Variants in PDE4D observed in about 807,000 individuals in gnomAD.
PDE4D encodes the protein 3',5'-cyclic-AMP phosphodiesterase 4D.
PDE4D carries 24 observed loss-of-function variants against 87.4 expected under a neutral mutation model. The observed-to-expected ratio is 0.27, with a 90% CI of 0.20 to 0.39. The LOEUF (loss-of-function observed/expected upper bound fraction) is 0.39, where lower values mean the gene tolerates loss of function less well. Among genes scored for constraint, PDE4D ranks in the 10% least tolerant of loss-of-function variants. The probability of loss-of-function intolerance (pLI) is 1.00; values close to 1 mark genes in which losing one functional copy is unlikely to be tolerated. For synonymous variants in PDE4D, 384 were observed against 383.2 expected (o/e 1.00, Z -0.02); for missense variants, 714 against 1,041.0 (o/e 0.69, Z 4.32).
In PDE4D at chr5:58,973,803, A is replaced by AG. The variant is rs1281860309; in HGVS notation, c.*860dup. ...AAGTAAATAATAAAGACTTACAAAAAGGGTTTCCTGCAACATAAAGTTGTT... is the reference window on the plus strand; with the variant it reads ...AAGTAAATAATAAAGACTTACAAAAAGGGGTTTCCTGCAACATAAAGTTGTT... On this transcript the variant is annotated 3_prime_UTR_variant, in exon 15 of 15. Coordinates refer to ENST00000340635, the MANE Select transcript of PDE4D (RefSeq NM_001104631.2). 1 of 152,600 alleles carries AG rather than the reference A, an allele frequency of 6.6e-6. No homozygotes were observed. Among genetic ancestry groups the AG allele is most frequent in the African/African-American group, 2.4e-5 (1 of 41,440 alleles). The allele number at this position is 152,600 out of a possible 1,614,324, so 9.5% of individuals were successfully genotyped here. A position where few individuals can be genotyped will look rare whatever the true frequency, so the allele number is the denominator to read the frequency against.
At chr5:59,910,459 C>T (rs1753321585) in intron 3 of PDE4D, among the ~76,000 whole-genome samples, 1 of 152,100 alleles carries the variant, frequency 6.6e-6, no homozygotes, top group African/African-American at 2.4e-5. Context: ...GTTCACATAC[C>T]AAAGAGCTAT....
chr5:59,643,453 T>C (rs1741939605), intron 1 of PDE4D, among the ~76,000 whole-genome samples: 1 of 152,166 alleles, frequency 6.6e-6, no homozygotes. Flanking sequence ...CGAGGAAACT[T>C]TTGGGGGTGA....
Position 60,105,503 on chromosome 5 carries a change from C to A in PDE4D, c.42+80054G>T, listed in dbSNP as rs112758099. ...CAGGCCAACATTCAGATACAGGAAA[C>A]ACAGAGAACGCCACAAAGATACTCC... On this transcript the variant is annotated intron_variant, in intron 2 of 16. Coordinates refer to the PDE4D transcript ENST00000502484. 7.8e-3 allele frequency among the ~76,000 whole-genome samples: 1,180 copies of A among 152,072 alleles called. 12 individuals carry two copies. The highest frequency in any genetic ancestry group is 0.027 in the African/African-American group (1,119 of 41,438).
intron 5 of PDE4D, among the ~76,000 whole-genome samples, chr5:59,161,629 A>G (rs977976570): frequency 2.0e-5 from 3 of 152,106 alleles, no homozygotes; most frequent in African/African-American, 7.2e-5. Flanking sequence ...TGCGGCCTAA[A>G]TCAGTCTTTC....
At chr5:59,766,188 G>C (rs754614822) in intron 1 of PDE4D, among the ~76,000 whole-genome samples, 5 of 152,144 alleles carry the variant, frequency 3.3e-5, no homozygotes, top group Non-Finnish European at 7.3e-5. Context: ...ACGTCTTGGG[G>C]CTCATTCAAC....
intron 1 of PDE4D, among the ~76,000 whole-genome samples, chr5:59,468,549 T>C (rs976371973): frequency 2.6e-5 from 4 of 152,148 alleles, no homozygotes; most frequent in African/African-American, 9.7e-5. Flanking sequence ...TAATGGCCCA[T>C]GGCAAATAAA....
intron 1 of PDE4D, among the ~76,000 whole-genome samples, chr5:59,470,053 T>C (rs112022233): frequency 6.6e-6 from 1 of 152,114 alleles, no homozygotes; most frequent in East Asian, 1.9e-4. Flanking sequence ...TTTCCATTTT[T>C]AATAAGCACC....
chr5:59,709,618 T>A (rs996008503), intron 1 of PDE4D, among the ~76,000 whole-genome samples: 2 of 152,202 alleles, frequency 1.3e-5, no homozygotes, highest in African/African-American at 4.8e-5. Flanking sequence ...AACAGAAACG[T>A]TAGTCCAGAG....
intron 1 of PDE4D, among the ~76,000 whole-genome samples, chr5:59,539,925 T>A (rs1816007756): frequency 6.6e-6 from 1 of 152,096 alleles, no homozygotes; most frequent in Non-Finnish European, 1.5e-5. Context: ...ACAGAACTAG[T>A]TTAGTTAGTG....
chr5:60,113,289 G>T (rs1278738773), intron 2 of PDE4D, among the ~76,000 whole-genome samples: 1 of 151,924 alleles, frequency 6.6e-6, no homozygotes, highest in African/African-American at 2.4e-5. Context: ...TAACTTTTTT[G>T]AACATAATAA....
At chr5:59,790,099 G>A (rs1166977196) in intron 1 of PDE4D, among the ~76,000 whole-genome samples, 5 of 152,166 alleles carry the variant, frequency 3.3e-5, no homozygotes, top group Admixed American at 2.0e-4. Flanking sequence ...AGCTACTGGA[G>A]TACCTCTATC....
chr5:60,182,507 C>T (rs1289382388), intron 2 of PDE4D, among the ~76,000 whole-genome samples: 1 of 152,160 alleles, frequency 6.6e-6, no homozygotes, highest in Non-Finnish European at 1.5e-5. Flanking sequence ...TGGCGCATGC[C>T]TCTAATCCCA....
intron 1 of PDE4D, among the ~76,000 whole-genome samples, chr5:59,691,575 TGGGGGGA>T (rs1386663292): frequency 2.8e-4 from 6 of 21,530 alleles, no homozygotes; most frequent in African/African-American, 1.2e-3. Context: ...TGTCATGGAG[TGGGGGGA>T]GGGGGGAGGG....
chr5:60,201,864 A>G (rs1583056281), intron 1 of PDE4D, among the ~76,000 whole-genome samples: 2 of 152,242 alleles, frequency 1.3e-5, no homozygotes, highest in Admixed American at 6.5e-5. Flanking sequence ...AGATACAACT[A>G]TACATAAGAA....
In PDE4D at chr5:60,058,980, C is replaced by T. The variant is rs371078467; in HGVS notation, c.43-70263G>A. Among the ~76,000 whole-genome samples, 16 of 151,220 alleles carry T rather than the reference C, an allele frequency of 1.1e-4. No individual in the cohort carries two copies. In the East Asian group the frequency reaches 1.6e-3, roughly 15 times the overall value. ...TCCATACCATTCTTTCTAGCTTCTTCAGGAAACTAGAAACATCAATGAAAT... is the reference window on the plus strand; with the variant it reads ...TCCATACCATTCTTTCTAGCTTCTTTAGGAAACTAGAAACATCAATGAAAT... On this transcript the variant is annotated intron_variant, in intron 2 of 16. Transcript: ENST00000502484.
At chr5:60,029,386 T>C (rs934447491) in intron 2 of PDE4D, among the ~76,000 whole-genome samples, 1 of 152,196 alleles carries the variant, frequency 6.6e-6, no homozygotes, top group African/African-American at 2.4e-5. Context: ...AAACTCAAAA[T>C]AATGCAACCA....
At chr5:59,627,250 G>T (rs1012971794) in intron 1 of PDE4D, among the ~76,000 whole-genome samples, 4 of 152,072 alleles carry the variant, frequency 2.6e-5, no homozygotes, top group Non-Finnish European at 2.9e-5. Flanking sequence ...AGGTGTGAAT[G>T]GTATTCCAAT....
intron 1 of PDE4D, among the ~76,000 whole-genome samples, chr5:59,845,357 C>A (rs1250011156): frequency 6.6e-6 from 1 of 152,106 alleles, no homozygotes; most frequent in Non-Finnish European, 1.5e-5. Flanking sequence ...GGAGCCATCC[C>A]TGGCGCCACC....
At chr5:60,239,186 C>A (rs1225402457) in intron 1 of PDE4D, among the ~76,000 whole-genome samples, 1 of 151,870 alleles carries the variant, frequency 6.6e-6, no homozygotes, top group Non-Finnish European at 1.5e-5. Flanking sequence ...ATTTTATTTC[C>A]CCATGTGAAT....
Sources: gnomAD v4.1 joint callset for allele counts (sites outside exome capture counted in the v4.1 genomes callset) on GRCh38, gnomAD v4.1.1 for gene constraint, MANE v1.5 for transcripts, NCBI Gene and HGNC (gene_info 2026-07-23, HGNC 2026-07-21) for gene names.